The following MUC17 variants were observed in gnomAD, a reference collection of about 807,000 sequenced individuals.
MUC17 encodes the protein mucin-17.
MUC17 carries 190 observed loss-of-function variants against 170.3 expected under a neutral mutation model. The ratio of observed to expected loss-of-function variants is 1.12; its 90% CI spans 0.99 to 1.26. The LOEUF (loss-of-function observed/expected upper bound fraction) is 1.26, where lower values mean the gene tolerates loss of function less well. Among genes scored for constraint, MUC17 ranks in the 50% most tolerant of loss-of-function variants. The pLI is 0.00. For synonymous variants in MUC17, 2,325 were observed against 2,002.5 expected (o/e 1.16, Z -4.30); for missense variants, 6,415 against 5,530.0 (o/e 1.16, Z -5.08).
In MUC17 at chr7:101,040,980, T is replaced by G; in HGVS notation, c.9564T>G (p.Pro3188=). ...AGGATAGCACCCTTTCAGCAACTCC[T>G]GTTGACACCAGCACACCTGTGACCA... ...SSEDSTLSAT[P]VDTSTPVTTS... Residue 3188 remains proline, a synonymous_variant, in exon 3 of 13, where the codon CCT becomes CCG. Transcript: ENST00000306151. 1 of 1,613,962 alleles carries G rather than the reference T, an allele frequency of 6.2e-7. No homozygotes were observed. The highest frequency in any genetic ancestry group is 8.5e-7 in the Non-Finnish European group (1 of 1,179,974).
intron 5 of MUC17, 119 bp downstream of exon 5, chr7:101,049,091 C>G (rs914886650): frequency 2.0e-6 from 3 of 1,500,560 alleles, no homozygotes; most frequent in East Asian, 2.3e-5. Context: ...CTCTCAGGCC[C>G]CCACGTCCTC....
chr7:101,039,491 C>A lies in MUC17; in HGVS notation c.8075C>A (p.Thr2692Asn), dbSNP rs762217647. ...ACCTCAACTCCTGGTGAAAGAAGCA[C>A]TCCATTAACAAATATACTTGTCAGC... Reference protein sequence around the residue: ...MPTSTPGERSTPLTNILVSTT... With the variant: ...MPTSTPGERSNPLTNILVSTT... The change falls in exon 3 of 13, where the codon ACT (threonine) becomes AAT (asparagine). Residue 2692 changes from threonine to asparagine, a missense_variant. Coordinates refer to ENST00000306151, the MANE Select transcript of MUC17 (RefSeq NM_001040105.2). The A allele has an allele frequency of 1.9e-6, 3 of 1,611,266 alleles. No individual in the cohort carries two copies. The highest frequency in any genetic ancestry group is 2.5e-6 in the Non-Finnish European group (3 of 1,178,848).
chr7:101,038,725 TCTC>T lies in MUC17; in HGVS notation c.7312_7314del (p.Pro2438del), dbSNP rs781560154. 127 of 1,610,050 alleles carry T rather than the reference TCTC, an allele frequency of 7.9e-5. 1 individual carries two copies. The African/African-American group carries it at 1.4e-3, about 18-fold the overall frequency. ...CACCACTTCTACTGAAGCCAGTTCA[TCTC>T]CTACAACTGCTGAAGGTACCAGCAT... is the stretch of plus-strand genomic sequence containing the variant. On this transcript the variant is annotated inframe_deletion, in exon 3 of 13. Coordinates refer to ENST00000306151, the MANE Select transcript of MUC17 (RefSeq NM_001040105.2).
rs138402996 is a variant in MUC17 at position 101,038,684 on chromosome 7, A to G, written c.7268A>G (p.Asp2423Gly). 17 of 1,613,678 alleles carry G rather than the reference A, an allele frequency of 1.1e-5. No individual in the cohort carries two copies. The highest frequency in any genetic ancestry group is 1.4e-5 in the Non-Finnish European group (16 of 1,179,970). The part of the protein sequence containing the change: ...EASTHSTTPV[D>G]TSTPVTTSTE... ...AGCACCCATTCCACAACTCCTGTTG[A>G]CACCAGCACACCTGTCACCACTTCT... Residue 2423 changes from aspartate to glycine, a missense_variant, in exon 3 of 13, where the codon GAC (aspartate) becomes GGC (glycine). By Grantham distance (94) the Asp-to-Gly change is moderately conservative. Coordinates refer to ENST00000306151, the MANE Select transcript of MUC17 (RefSeq NM_001040105.2).
chr7:101,035,709 T>G lies in MUC17; in HGVS notation c.4293T>G (p.Ala1431=). 1 of 1,608,330 alleles carries G rather than the reference T, an allele frequency of 6.2e-7. No homozygotes were observed. The highest frequency in any genetic ancestry group is 1.7e-4 in the Middle Eastern group (1 of 6,036). Reference sequence around the variant, plus strand: ...CCAGCACCCCTGGGACCACTTCTGCTGAAGCCACTTCATCTCCTACAACTG... The same window carrying G: ...CCAGCACCCCTGGGACCACTTCTGCGGAAGCCACTTCATCTCCTACAACTG... ...VDTSTPGTTS[A]EATSSPTTAE... Residue 1431 remains alanine (A), a synonymous_variant, in exon 3 of 13, where the codon GCT becomes GCG. Coordinates refer to ENST00000306151, the MANE Select transcript of MUC17 (RefSeq NM_001040105.2).
rs749046973 is a variant in MUC17 at position 101,036,709 on chromosome 7, G to A, written c.5293G>A (p.Glu1765Lys). ...PVSTTPVLSS[E>K]ASTLSATPID... The stretch of plus-strand genomic sequence containing the variant: ...CAGCACCACGCCGGTACTCAGTTCT[G>A]AGGCTAGCACCCTTTCAGCAACTCC... The change falls in exon 3 of 13, where the codon GAG becomes AAG. Residue 1765 changes from glutamate (E) to lysine (K), a missense_variant. Glu to Lys is a moderately conservative substitution (Grantham distance 56). Transcript: ENST00000306151. The A allele has an allele frequency of 6.2e-7, 1 of 1,612,984 alleles. No individual in the cohort carries two copies. The highest frequency in any genetic ancestry group is 8.5e-7 in the Non-Finnish European group (1 of 1,179,612).
intron 11 of MUC17, among the ~76,000 whole-genome samples, chr7:101,055,715 A>G (rs1378760297): frequency 6.6e-6 from 1 of 152,370 alleles, no homozygotes; most frequent in African/African-American, 2.4e-5. Context: ...TTATTACCTG[A>G]GTCCACAAGA....
In MUC17 at chr7:101,034,045, G is replaced by C; in HGVS notation, c.2629G>C (p.Val877Leu). 6.2e-7 allele frequency: 1 copy of C among 1,601,238 alleles called. No homozygotes were observed. The highest frequency in any genetic ancestry group is 1.4e-5 in the African/African-American group (1 of 74,056). Residue 877 changes from valine (V) to leucine (L), a missense_variant, in exon 3 of 13, where the codon GTG becomes CTG. Coordinates refer to ENST00000306151, the MANE Select transcript of MUC17 (RefSeq NM_001040105.2). ...AAGTATGCCTGTCAGCACCACACTG[G>C]TGGCCACTTCTGCAATCAGCACCCT... ...LTSMPVSTTL[V>L]ATSAISTLST... is the part of the protein sequence containing the mutation.
rs1222306140 is a variant in MUC17, at chr7:101,040,689, A to T, written c.9273A>T (p.Glu3091Asp). Residue 3091 changes from glutamate to aspartate, a missense_variant, in exon 3 of 13, where the codon GAA (glutamate) becomes GAT (aspartate). By Grantham distance (45) the Glu-to-Asp change is conservative. Coordinates refer to ENST00000306151, the MANE Select transcript of MUC17 (RefSeq NM_001040105.2). ...TEVSSSPTPA[E>D]GTSMPISTYS... is the part of the protein sequence containing the mutation. ...TCAGTTCATCTCCTACACCTGCTGA[A>T]GGTACCAGCATGCCAATCTCAACTT... The T allele has an allele frequency of 2.5e-6, 4 of 1,613,242 alleles. No homozygotes were observed. In the South Asian group the frequency reaches 4.4e-5, roughly 18 times the overall value.
At position 101,041,336 on chromosome 7, in the gene MUC17, A is replaced by T. The variant is rs755232245; in HGVS notation, c.9920A>T (p.Asp3307Val). 3 of 1,611,280 alleles carry T rather than the reference A, an allele frequency of 1.9e-6. No individual in the cohort carries two copies. The highest frequency in any genetic ancestry group is 1.1e-5 in the South Asian group (1 of 90,854). ...AGCACCCTTTCAACAACTCCTGCTG[A>T]CACCAGCACACCTGTGACCACTTAT... ...ETSTLSTTPA[D>V]TSTPVTTYSQ... Residue 3307 changes from aspartate (D) to valine (V), a missense_variant, in exon 3 of 13, where the codon GAC (aspartate) becomes GTC (valine). Physicochemically the swap from Asp to Val is radical, Grantham distance 152. Transcript: ENST00000306151.
In MUC17 at chr7:101,037,066, A is replaced by G. The variant is rs867768906; in HGVS notation, c.5650A>G (p.Thr1884Ala). 6.3e-7 allele frequency: 1 copy of G among 1,581,452 alleles called. No homozygotes were observed. Among genetic ancestry groups the G allele is most frequent in the East Asian group, 2.7e-5 (1 of 36,904 alleles). ...VSTTTVASSE[T>A]NTLSTTPAVT... is the part of the protein sequence containing the mutation. Reference sequence around the variant, plus strand: ...CACCACAACAGTGGCCAGTTCTGAAACCAACACCCTTTCAACAACTCCCGC... The same window carrying G: ...CACCACAACAGTGGCCAGTTCTGAAGCCAACACCCTTTCAACAACTCCCGC... Residue 1884 changes from threonine to alanine, a missense_variant, in exon 3 of 13, where the codon ACC (threonine) becomes GCC (alanine). Physicochemically the swap from Thr to Ala is moderately conservative, Grantham distance 58. Coordinates refer to ENST00000306151, the MANE Select transcript of MUC17 (RefSeq NM_001040105.2).
rs756193485 is a variant in MUC17, at chr7:101,031,766, C to G, written c.350C>G (p.Thr117Arg). 6 of 1,607,246 alleles carry G rather than the reference C, an allele frequency of 3.7e-6. No individual in the cohort carries two copies. In the South Asian group the frequency reaches 5.5e-5, roughly 15 times the overall value. The change falls in exon 3 of 13, where the codon ACA (threonine) becomes AGA (arginine). Residue 117 changes from threonine (T) to arginine (R), a missense_variant. By Grantham distance (71) the Thr-to-Arg change is moderately conservative. Transcript: ENST00000306151. ...STRMTPTESR[T>R]TSESTSDSTT... is the part of the protein sequence containing the mutation. ...AGGATGACACCAACAGAATCCAGAA[C>G]AACTTCAGAATCTACCAGTGACAGC... is the stretch of plus-strand genomic sequence containing the variant.
chr7:101,040,356 A>C lies in MUC17; in HGVS notation c.8940A>C (p.Ser2980=), dbSNP rs1339697292. The change falls in exon 3 of 13, where the codon TCA becomes TCC. Residue 2980 remains serine (S), a synonymous_variant. Coordinates refer to ENST00000306151, the MANE Select transcript of MUC17 (RefSeq NM_001040105.2). ...TTAEGTSMPI[S]TPGERRTPLT... Reference sequence around the variant, plus strand: ...CTGAAGGTACCAGCATGCCAATCTCAACTCCTGGCGAAAGAAGAACTCCAT... The same window carrying C: ...CTGAAGGTACCAGCATGCCAATCTCCACTCCTGGCGAAAGAAGAACTCCAT... The C allele has an allele frequency of 6.2e-7, 1 of 1,612,084 alleles. No homozygotes were observed. The highest frequency in any genetic ancestry group is 1.1e-5 in the South Asian group (1 of 90,948).
Position 101,040,133 on chromosome 7 carries a change from G to A in MUC17, c.8717G>A (p.Gly2906Asp). 1.9e-6 allele frequency: 3 copies of A among 1,539,058 alleles called. No individual in the cohort carries two copies. Among genetic ancestry groups the A allele is most frequent in the Non-Finnish European group, 2.6e-6 (3 of 1,144,412 alleles). Residue 2906 changes from glycine (G) to aspartate (D), a missense_variant, in exon 3 of 13, where the codon GGC (glycine) becomes GAC (aspartate). Gly to Asp is a moderately conservative substitution (Grantham distance 94). Coordinates refer to ENST00000306151, the MANE Select transcript of MUC17 (RefSeq NM_001040105.2). ...TSIPVTTSTE[G>D]SSSPTTAEGT... is the part of the protein sequence containing the mutation. ...ATACCTGTCACCACTTCTACTGAAGGCAGTTCTTCTCCTACAACTGCTGAA... is the reference window on the plus strand; with the variant it reads ...ATACCTGTCACCACTTCTACTGAAGACAGTTCTTCTCCTACAACTGCTGAA...
rs139728451 is a variant in MUC17 at position 101,035,444 on chromosome 7, C to T, written c.4028C>T (p.Pro1343Leu). ...SEGRTPLTSI[P>L]VNTTLVASSA... Reference sequence around the variant, plus strand: ...GGAAGAACTCCTTTAACAAGTATACCTGTCAACACCACACTGGTGGCCAGT... The same window carrying T: ...GGAAGAACTCCTTTAACAAGTATACTTGTCAACACCACACTGGTGGCCAGT... Residue 1343 changes from proline to leucine, a missense_variant, in exon 3 of 13, where the codon CCT becomes CTT. Transcript: ENST00000306151. 3.1e-6 allele frequency: 5 copies of T among 1,602,244 alleles called. No individual in the cohort carries two copies. The East Asian group carries it at 1.1e-4, about 36-fold the overall frequency.
intron 11 of MUC17, among the ~76,000 whole-genome samples, chr7:101,053,890 A>AG (rs984205650): frequency 6.7e-5 from 10 of 148,968 alleles, no homozygotes; most frequent in African/African-American, 2.2e-4. Flanking sequence ...CAAAAAAAAA[A>AG]AAAAGAAAAA....
chr7:101,047,651 G>A (rs1794864811), intron 3 of MUC17, among the ~76,000 whole-genome samples: 3 of 152,116 alleles, frequency 2.0e-5, no homozygotes, highest in South Asian at 2.1e-4. Flanking sequence ...CCAAACTGGT[G>A]AAACCCCGTC....
Position 101,034,016 on chromosome 7 carries a change from T to A in MUC17, c.2600T>A (p.Leu867Ter). The A allele has an allele frequency of 6.2e-7, 1 of 1,601,576 alleles. No individual in the cohort carries two copies. The highest frequency in any genetic ancestry group is 8.5e-7 in the Non-Finnish European group (1 of 1,173,344). The stretch of plus-strand genomic sequence containing the variant: ...ACTTATAGTGAAGGAAGAACTCCTT[T>A]AACAAGTATGCCTGTCAGCACCACA... ...TSTYSEGRTP[L>*]TSMPVSTTLV... Residue 867 changes from leucine (L) to a stop codon, truncating the protein, a stop_gained, in exon 3 of 13, where the codon TTA becomes TAA. Transcript: ENST00000306151. LOFTEE classifies it high-confidence loss of function.
intron 11 of MUC17, among the ~76,000 whole-genome samples, chr7:101,053,920 C>T (rs1040088765): frequency 8.6e-5 from 13 of 150,838 alleles, no homozygotes; most frequent in Non-Finnish European, 1.8e-4. Flanking sequence ...ATTATCTGGG[C>T]ATGGTGGCAT....
Sources: allele counts gnomAD v4.1 joint callset (sites outside exome capture counted in the v4.1 genomes callset), GRCh38; gene constraint gnomAD v4.1.1; transcripts MANE v1.5; gene names NCBI Gene and HGNC (gene_info 2026-07-23, HGNC 2026-07-21).